Variants in SEZ6L observed in about 807,000 individuals in gnomAD.
SEZ6L encodes seizure related 6 homolog like.
In SEZ6L, 37 loss-of-function variants were observed where a neutral mutation model predicts 106.2. That is an observed-to-expected ratio of 0.35 (90% CI 0.27 to 0.46). SEZ6L has a LOEUF of 0.46. SEZ6L is among the 20% of genes least tolerant of loss of function. The pLI, the probability that SEZ6L is intolerant of heterozygous loss-of-function variation, is 1.00. For synonymous variants in SEZ6L, 541 were observed against 570.4 expected, an observed-to-expected ratio of 0.95 and a Z score of 0.73; for missense variants, 1,172 against 1,332.8, an observed-to-expected ratio of 0.88 and a Z score of 1.88.
At chr22:26,371,130 C>T (rs2084021346) in intron 13 of SEZ6L, among the ~76,000 whole-genome samples, 2 of 152,000 alleles carry the variant, frequency 1.3e-5, no homozygotes, top group Admixed American at 1.3e-4. Flanking sequence ...TTTGCTTGTT[C>T]CCCAGTGCAT....
chr22:26,347,697 G>A, intron 10 of SEZ6L, 22 bp from the exon 11 acceptor site: 1 of 1,587,218 alleles, frequency 6.3e-7, no homozygotes, highest in Non-Finnish European at 8.5e-7. Context: ...CCCCATCTAA[G>A]ACTGACGTTT....
intron 11 of SEZ6L, 30 bp downstream of exon 11, chr22:26,347,943 G>T (rs1159377085): frequency 6.6e-7 from 1 of 1,513,238 alleles, no homozygotes. Flanking sequence ...CTTCCTCTAG[G>T]TCCCTGGGTG....
chr22:26,270,469 T>A (rs1302907584), intron 1 of SEZ6L, among the ~76,000 whole-genome samples: 3 of 132,954 alleles, frequency 2.3e-5, no homozygotes, highest in African/African-American at 7.9e-5. Flanking sequence ...GAGGGGTGTG[T>A]GTGTGTGTGT....
At chr22:26,176,367 A>G (rs1020945538) in intron 1 of SEZ6L, among the ~76,000 whole-genome samples, 1 of 152,248 alleles carries the variant, frequency 6.6e-6, no homozygotes, top group Non-Finnish European at 1.5e-5. Flanking sequence ...AGGTGGTTTG[A>G]CAGGACTCCA....
chr22:26,277,065 C>T (rs543583771), intron 1 of SEZ6L, among the ~76,000 whole-genome samples: 39 of 150,448 alleles, frequency 2.6e-4, no homozygotes, highest in South Asian at 1.1e-3. Context: ...TCACAGAAGA[C>T]GATTATCCGA....
intron 1 of SEZ6L, among the ~76,000 whole-genome samples, chr22:26,242,295 T>C (rs1294012127): frequency 6.6e-6 from 1 of 152,226 alleles, no homozygotes; most frequent in Non-Finnish European, 1.5e-5. Context: ...TTCACTGATA[T>C]CCTCCAGTCC....
intron 9 of SEZ6L, among the ~76,000 whole-genome samples, chr22:26,333,775 G>C (rs1333778413): frequency 6.6e-6 from 1 of 152,210 alleles, no homozygotes. Context: ...GAGCACAAGG[G>C]CTGCAGGCCA....
At chr22:26,377,330 G>A in intron 15 of SEZ6L, among the ~76,000 whole-genome samples, 1 of 152,086 alleles carries the variant, frequency 6.6e-6, no homozygotes. Flanking sequence ...ATGGCATACA[G>A]TAGGTGCTCA....
chr22:26,215,468 C>G (rs985558581), intron 1 of SEZ6L, among the ~76,000 whole-genome samples: 1 of 152,110 alleles, frequency 6.6e-6, no homozygotes, highest in African/African-American at 2.4e-5. Flanking sequence ...CTCCCACCAT[C>G]TTGAAATGGC....
At chr22:26,212,565 G>A (rs572520390) in intron 1 of SEZ6L, among the ~76,000 whole-genome samples, 1 of 152,230 alleles carries the variant, frequency 6.6e-6, no homozygotes, top group East Asian at 1.9e-4. Context: ...TGGGACCACA[G>A]GCATGCGCCA....
chr22:26,283,949 C>T (rs1045724895), intron 1 of SEZ6L, among the ~76,000 whole-genome samples: 1 of 152,220 alleles, frequency 6.6e-6, no homozygotes, highest in African/African-American at 2.4e-5. Context: ...AAATGTGTTA[C>T]TCAGTAAGTT....
intron 9 of SEZ6L, among the ~76,000 whole-genome samples, chr22:26,334,802 A>G (rs887267419): frequency 6.6e-6 from 1 of 152,216 alleles, no homozygotes. Context: ...GAGAAGGGCC[A>G]GAGTGGGCAG....
chr22:26,346,109 T>C (rs181739989), intron 10 of SEZ6L, among the ~76,000 whole-genome samples: 6 of 152,180 alleles, frequency 3.9e-5, no homozygotes, highest in African/African-American at 1.4e-4. Flanking sequence ...CTCGCTGCAG[T>C]CTCGAACTCC....
chr22:26,203,497 G>A (rs1167179714), intron 1 of SEZ6L, among the ~76,000 whole-genome samples: 1 of 151,150 alleles, frequency 6.6e-6, no homozygotes, highest in African/African-American at 2.4e-5. Context: ...CAAGCTTCTT[G>A]AATGGATGAG....
chr22:26,379,881 C>T (rs939241599), intron 16 of SEZ6L, among the ~76,000 whole-genome samples: 45 of 152,184 alleles, frequency 3.0e-4, no homozygotes, highest in Admixed American at 2.8e-3. Flanking sequence ...CATTCATTTG[C>T]TCATCAGTCT....
chr22:26,263,793 C>T (rs1179217071), intron 1 of SEZ6L, among the ~76,000 whole-genome samples: 1 of 152,186 alleles, frequency 6.6e-6, no homozygotes, highest in African/African-American at 2.4e-5. Flanking sequence ...TGATCTCTTC[C>T]TTCTCTCAGC....
intron 14 of SEZ6L, 150 bp downstream of exon 14, chr22:26,373,633 TA>T: frequency 2.9e-6 from 2 of 691,792 alleles, no homozygotes; most frequent in South Asian, 4.2e-5. Flanking sequence ...AATAATATTG[TA>T]GGGGAAAAAA....
At position 26,226,831 on chromosome 22, in the gene SEZ6L, T is replaced by C. The variant is rs549975856; in HGVS notation, c.94+57068T>C. The stretch of plus-strand genomic sequence containing the variant: ...GAGAGCAGACTCAACTTGGATGCCC[T>C]TTTTCCTTTTGCCCCATCCCTTTGT... On this transcript the variant is annotated intron_variant, in intron 1 of 16. Coordinates refer to ENST00000248933, the MANE Select transcript of SEZ6L (RefSeq NM_021115.5). Among the ~76,000 whole-genome samples the C allele has an allele frequency of 3.9e-5, 6 of 152,252 alleles. No homozygotes were observed. In the East Asian group the frequency reaches 1.2e-3, roughly 29 times the overall value.
chr22:26,377,662 CT>C lies in SEZ6L; in HGVS notation c.2943-8del, dbSNP rs1311683824. On this transcript the variant is annotated splice_polypyrimidine_tract_variant and intron_variant, in intron 15 of 16. Transcript: ENST00000248933. Reference sequence around the variant, plus strand: ...GGGAGAAGTAACTTCTCTCTCCTTTCTTTCCCCCAGATGTCGCTACTATTCC... The same window carrying C: ...GGGAGAAGTAACTTCTCTCTCCTTTCTTCCCCCAGATGTCGCTACTATTCC... 3 of 1,601,530 alleles carry C rather than the reference CT, an allele frequency of 1.9e-6. No homozygotes were observed.
Sources: allele counts gnomAD v4.1 joint callset (sites outside exome capture counted in the v4.1 genomes callset), GRCh38; gene constraint gnomAD v4.1.1; transcripts MANE v1.5; gene names NCBI Gene and HGNC (gene_info 2026-07-23, HGNC 2026-07-21).